Variants in DLGAP4 observed in about 807,000 individuals in gnomAD.
DLGAP4 encodes DLG associated protein 4, also known as disks large-associated protein 4.
A neutral mutation model predicts 86.9 loss-of-function variants in DLGAP4; 18 were observed. That is an observed-to-expected ratio of 0.21 (90% CI 0.14 to 0.31). The LOEUF (loss-of-function observed/expected upper bound fraction) is 0.31. DLGAP4 is among the 10% of genes least tolerant of loss of function. DLGAP4 has a pLI of 1.00. For missense variants in DLGAP4, 1,085 were observed against 1,362.6 expected (o/e 0.80, Z 3.21); for synonymous variants, 548 against 574.3 (o/e 0.95, Z 0.65).
At chr20:36,436,022 AGGG>A in intron 3 of DLGAP4, 84 bp from the exon 4 acceptor site, 1 of 1,445,240 alleles carries the variant, frequency 6.9e-7, no homozygotes, top group Admixed American at 2.6e-5. Flanking sequence ...GCAGGGAACG[AGGG>A]AGCTTCAGGT....
chr20:36,337,784 C>T (rs2065337327), intron 1 of DLGAP4, among the ~76,000 whole-genome samples: 2 of 152,326 alleles, frequency 1.3e-5, no homozygotes, highest in South Asian at 2.1e-4. Flanking sequence ...TGGGAGAAGG[C>T]CTAGGCTGGT....
At chr20:36,448,237 C>T (rs1205679575) in intron 7 of DLGAP4, among the ~76,000 whole-genome samples, 2 of 152,074 alleles carry the variant, frequency 1.3e-5, no homozygotes, top group Non-Finnish European at 2.9e-5. Context: ...GTGGTCCTCG[C>T]TACTCAGGAG....
At chr20:36,330,833 A>G (rs868909475) in intron 1 of DLGAP4, among the ~76,000 whole-genome samples, 1 of 152,284 alleles carries the variant, frequency 6.6e-6, no homozygotes. Flanking sequence ...TCAGCCTCCC[A>G]AAGTGCTGGG....
At chr20:36,375,296 T>C (rs2031108666) in intron 2 of DLGAP4, among the ~76,000 whole-genome samples, 1 of 152,228 alleles carries the variant, frequency 6.6e-6, no homozygotes, top group Admixed American at 6.5e-5. Flanking sequence ...CCTGATTCTC[T>C]TCTAAATCCT....
At chr20:36,351,330 C>A (rs540664918) in intron 1 of DLGAP4, among the ~76,000 whole-genome samples, 3 of 152,174 alleles carry the variant, frequency 2.0e-5, no homozygotes, top group Non-Finnish European at 4.4e-5. Flanking sequence ...GGCTGCACAG[C>A]AGGAAGTGAG....
chr20:36,512,068 T>A (rs2036731475), intron 10 of DLGAP4, among the ~76,000 whole-genome samples: 1 of 139,766 alleles, frequency 7.2e-6, no homozygotes, highest in Non-Finnish European at 1.5e-5. Context: ...TTTTTTTTTT[T>A]GAGAGAGAGT....
intron 2 of DLGAP4, among the ~76,000 whole-genome samples, chr20:36,369,768 A>T (rs1382120370): frequency 6.6e-6 from 1 of 151,990 alleles, no homozygotes; most frequent in Admixed American, 6.6e-5. Context: ...TGTGCACTTT[A>T]CTCTTTCTAT....
rs146842291 is a variant in DLGAP4, at chr20:36,497,054, G to T, written c.1998G>T (p.Ser666=). 335 of 1,602,868 alleles carry T rather than the reference G, an allele frequency of 2.1e-4. No individual in the cohort carries two copies. The highest frequency in any genetic ancestry group is 5.0e-4 in the Middle Eastern group (3 of 5,994). Residue 666 remains serine, a synonymous_variant, in exon 8 of 13, where the codon TCG becomes TCT. Transcript: ENST00000339266. ...PEAAPKRKLS[S]IGIQVDCIQP... ...CCGCCCCCAAAAGGAAACTGTCATC[G>T]ATAGGAATACAAGTAGGGGCTCCTT...
intron 7 of DLGAP4, among the ~76,000 whole-genome samples, chr20:36,469,470 A>G (rs2034561135): frequency 6.6e-6 from 1 of 152,150 alleles, no homozygotes; most frequent in South Asian, 2.1e-4. Flanking sequence ...GTAACAAAAG[A>G]GGCTGGGCAT....
intron 7 of DLGAP4, among the ~76,000 whole-genome samples, chr20:36,453,934 C>CAAAAAAAA (rs1194294335): frequency 2.6e-4 from 11 of 42,312 alleles, no homozygotes; most frequent in Admixed American, 5.6e-4. Context: ...ACTCTGTCTC[C>CAAAAAAAA]AAAAAAAAAA....
At chr20:36,494,250 C>G (rs936187804) in intron 7 of DLGAP4, among the ~76,000 whole-genome samples, 1 of 152,126 alleles carries the variant, frequency 6.6e-6, no homozygotes, top group African/African-American at 2.4e-5. Context: ...CTAGGCTGGG[C>G]ACAAGGCACA....
chr20:36,328,337 G>A (rs933020032), intron 1 of DLGAP4, among the ~76,000 whole-genome samples: 1 of 152,122 alleles, frequency 6.6e-6, no homozygotes. Context: ...GCTGAGTAGG[G>A]CGTCCAGCTG....
chr20:36,348,959 T>C (rs2030039199), intron 1 of DLGAP4, among the ~76,000 whole-genome samples: 2 of 150,686 alleles, frequency 1.3e-5, no homozygotes, highest in South Asian at 4.2e-4. Context: ...AAAAATTAGC[T>C]GGGTGTGGTG....
chr20:36,462,557 C>G, intron 7 of DLGAP4: 1 of 1,602,386 alleles, frequency 6.2e-7, no homozygotes, highest in Non-Finnish European at 8.5e-7. Context: ...CTCTGACCCC[C>G]ATCCGGCCCT....
intron 8 of DLGAP4, chr20:36,499,331 G>C: frequency 6.2e-7 from 1 of 1,612,766 alleles, no homozygotes; most frequent in Non-Finnish European, 8.5e-7. Context: ...AGTAGGGAAA[G>C]CCAGTCATCT....
chr20:36,523,899 G>T (rs935735502), intron 10 of DLGAP4, among the ~76,000 whole-genome samples: 4 of 152,140 alleles, frequency 2.6e-5, no homozygotes, highest in African/African-American at 9.7e-5. Flanking sequence ...CTGACCTCAG[G>T]TGATCTGCCT....
chr20:36,458,475 C>G (rs1419438190), intron 7 of DLGAP4, among the ~76,000 whole-genome samples: 4 of 150,264 alleles, frequency 2.7e-5, no homozygotes, highest in African/African-American at 9.8e-5. Flanking sequence ...GATCCACCCG[C>G]CTCAGCCTCC....
chr20:36,480,563 TAGTC>T (rs535481851), intron 7 of DLGAP4, among the ~76,000 whole-genome samples: 43 of 151,858 alleles, frequency 2.8e-4, no homozygotes, highest in African/African-American at 8.9e-4. Flanking sequence ...TTAAAAAAAT[TAGTC>T]AGGAGCAGTG....
intron 12 of DLGAP4, among the ~76,000 whole-genome samples, chr20:36,526,443 T>C (rs78828463): frequency 6.6e-6 from 1 of 152,092 alleles, no homozygotes; most frequent in Non-Finnish European, 1.5e-5. Flanking sequence ...TGGCCCTGTC[T>C]AATCCCCTAG....
Sources: gnomAD v4.1 joint callset for allele counts (sites outside exome capture counted in the v4.1 genomes callset) on GRCh38, gnomAD v4.1.1 for gene constraint, MANE v1.5 for transcripts, NCBI Gene and HGNC (gene_info 2026-07-23, HGNC 2026-07-21) for gene names.